XPO4: variants seen among roughly 807,000 people sequenced by gnomAD.
XPO4 encodes exportin-4.
In XPO4, 39 loss-of-function variants were observed where a neutral mutation model predicts 143.0. The observed-to-expected ratio is 0.27, with a 90% CI of 0.21 to 0.36. The LOEUF is 0.36. Among genes scored for constraint, XPO4 ranks in the 10% least tolerant of loss-of-function variants. The pLI is 1.00. For synonymous variants in XPO4, 439 were observed against 474.0 expected (o/e 0.93, Z 0.96); for missense variants, 907 against 1,348.0 (o/e 0.67, Z 5.12).
chr13:20,833,962 GA>G (rs2059884398), intron 6 of XPO4, among the ~76,000 whole-genome samples: 1 of 152,222 alleles, frequency 6.6e-6, no homozygotes, highest in East Asian at 1.9e-4. Context: ...ACAGGACCAG[GA>G]CACTTTCTTT....
chr13:20,810,779 A>G (rs2059572291), intron 9 of XPO4, among the ~76,000 whole-genome samples: 1 of 152,366 alleles, frequency 6.6e-6, no homozygotes, highest in East Asian at 1.9e-4. Flanking sequence ...AGATCCACTA[A>G]GGAAACCCTG....
chr13:20,847,613 A>G (rs987509292), intron 4 of XPO4, among the ~76,000 whole-genome samples: 3 of 152,200 alleles, frequency 2.0e-5, no homozygotes, highest in Admixed American at 6.5e-5. Context: ...TCTACTGACC[A>G]GTATCTTCAA....
At chr13:20,818,775 T>C (rs1314399804) in intron 9 of XPO4, among the ~76,000 whole-genome samples, 1 of 152,146 alleles carries the variant, frequency 6.6e-6, no homozygotes. Context: ...TACATGTTAT[T>C]GCTTGTAATA....
rs1377561580 is a variant in XPO4 at position 20,843,147 on chromosome 13, A to G, written c.574-99T>C. The G allele has an allele frequency of 5.9e-6, 7 of 1,180,538 alleles. No homozygotes were observed. In the African/African-American group the frequency reaches 9.2e-5, roughly 16 times the overall value. 73.1% of individuals were successfully genotyped at this position (1,180,538 alleles called of 1,614,324 possible). A position where few individuals can be genotyped will look rare whatever the true frequency, so the allele number is the denominator to read the frequency against. On this transcript the variant is annotated intron_variant, in intron 5 of 22. Coordinates refer to ENST00000255305, the MANE Select transcript of XPO4 (RefSeq NM_022459.5). The stretch of plus-strand genomic sequence containing the variant: ...CAAAACAAACACCTTAAAATTTCCA[A>G]TGGAAAACACCATTTCCTTAAGAAC...
At chr13:20,827,303 A>C in intron 6 of XPO4, 124 bp from the exon 7 acceptor site, 1 of 660,306 alleles carries the variant, frequency 1.5e-6, no homozygotes, top group East Asian at 2.8e-5. Flanking sequence ...GCCTCTTCAC[A>C]TATGCTACAT....
At chr13:20,844,000 G>T in intron 4 of XPO4, 114 bp from the exon 5 acceptor site, 2 of 758,330 alleles carry the variant, frequency 2.6e-6, no homozygotes, top group Non-Finnish European at 4.5e-6. Flanking sequence ...ATCTTCCACT[G>T]TATCTTTAGA....
At chr13:20,796,326 T>A in intron 17 of XPO4, 70 bp from the exon 18 acceptor site, 1 of 1,171,064 alleles carries the variant, frequency 8.5e-7, no homozygotes, top group Non-Finnish European at 1.1e-6. Flanking sequence ...TAAAATATAA[T>A]CTATATAAAT....
intron 1 of XPO4, among the ~76,000 whole-genome samples, chr13:20,894,848 G>GA (rs35478335): frequency 1.2e-3 from 139 of 114,778 alleles, no homozygotes; most frequent in East Asian, 8.6e-3. Context: ...TCATCTCAAA[G>GA]AAAAAAAAAA....
chr13:20,829,167 AG>A (rs2059822632), intron 6 of XPO4, among the ~76,000 whole-genome samples: 1 of 152,180 alleles, frequency 6.6e-6, no homozygotes, highest in African/African-American at 2.4e-5. Context: ...TATGTTGCCC[AG>A]GGAAGTCTTG....
At chr13:20,856,965 C>T (rs1490280191) in intron 3 of XPO4, 1 of 875,436 alleles carries the variant, frequency 1.1e-6, no homozygotes, top group Admixed American at 6.2e-5. Flanking sequence ...TGCACACTAG[C>T]ATATGCAAAG....
intron 5 of XPO4, among the ~76,000 whole-genome samples, 168 bp downstream of exon 5, chr13:20,843,602 A>G (rs1350543492): frequency 6.6e-6 from 1 of 152,242 alleles, no homozygotes; most frequent in Non-Finnish European, 1.5e-5. Context: ...CATCAACTAC[A>G]TTCACCAAAC....
chr13:20,836,111 T>C (rs1309639341), intron 6 of XPO4, among the ~76,000 whole-genome samples: 1 of 152,190 alleles, frequency 6.6e-6, no homozygotes, highest in African/African-American at 2.4e-5. Context: ...TAAAAAGTTA[T>C]ACTGGAATTT....
At position 20,849,699 on chromosome 13, in the gene XPO4, C is replaced by T. The variant is rs116662642; in HGVS notation, c.457-5813G>A. ...AACTAAGAATACATCATTTTTTACA[C>T]AAATTAGATATAATCTTTCCATAAA... On this transcript the variant is annotated intron_variant, in intron 4 of 22. Coordinates refer to ENST00000255305, the MANE Select transcript of XPO4 (RefSeq NM_022459.5). The T allele has an allele frequency of 1.6e-3, 1,601 of 984,120 alleles. 20 individuals carry two copies. In the African/African-American group the frequency reaches 0.025, roughly 15 times the overall value. 61.0% of individuals were successfully genotyped at this position (984,120 alleles called of 1,614,324 possible).
chr13:20,851,730 A>AAT, intron 4 of XPO4: 1 of 828,222 alleles, frequency 1.2e-6, no homozygotes, highest in Non-Finnish European at 1.4e-6. Context: ...AAAAAAAAAA[A>AAT]GAAAGAAAGA....
At chr13:20,881,699 A>G (rs1011736322) in intron 1 of XPO4, among the ~76,000 whole-genome samples, 2 of 152,188 alleles carry the variant, frequency 1.3e-5, no homozygotes, top group African/African-American at 4.8e-5. Context: ...ACAATCACAT[A>G]TCATCATCAA....
chr13:20,787,548 G>T lies in XPO4; in HGVS notation c.3098C>A (p.Ala1033Asp). 1 of 1,614,258 alleles carries T rather than the reference G, an allele frequency of 6.2e-7. No homozygotes were observed. ...TTCTTGTGCTTTTGCACACTGTTCA[G>T]CTAACGGTGTCAAGGCCTCCAGGCA... Reference protein sequence around the residue: ...QLCLEALTPLAEQCAKAQETD... With the variant: ...QLCLEALTPLDEQCAKAQETD... The change falls in exon 21 of 23, where the codon GCT becomes GAT. Residue 1033 changes from alanine (A) to aspartate (D), a missense_variant. Coordinates refer to ENST00000255305, the MANE Select transcript of XPO4 (RefSeq NM_022459.5).
rs538884204 is a variant in XPO4 at position 20,792,949 on chromosome 13, G to A, written c.2798-2369C>T. Among the ~76,000 whole-genome samples the A allele has an allele frequency of 3.4e-3, 510 of 151,640 alleles. 5 individuals are homozygous for A. The highest frequency in any genetic ancestry group is 0.012 in the African/African-American group (489 of 41,416). ...ATTACAGGCATGCACCACCATGCCC[G>A]GCTAATTTTTTTGTATTTTTAGTAG... is the stretch of plus-strand genomic sequence containing the variant. On this transcript the variant is annotated intron_variant, in intron 18 of 22. Coordinates refer to ENST00000255305, the MANE Select transcript of XPO4 (RefSeq NM_022459.5).
chr13:20,809,898 G>C lies in XPO4; in HGVS notation c.1243C>G (p.Gln415Glu), dbSNP rs1442860864. 3.1e-6 allele frequency: 5 copies of C among 1,613,782 alleles called. No homozygotes were observed. The highest frequency in any genetic ancestry group is 4.2e-6 in the Non-Finnish European group (5 of 1,179,844). ...KLLESWLTLV[Q>E]DDKHFHKGFF... ...CCTTTATGGAAATGTTTGTCATCTT[G>C]AACCAAAGTTAACCAGGACTCCAAC... Residue 415 changes from glutamine (Q) to glutamate (E), a missense_variant, in exon 10 of 23, where the codon CAA (glutamine) becomes GAA (glutamate). By Grantham distance (29) the Gln-to-Glu change is conservative. Transcript: ENST00000255305.
At chr13:20,899,971 G>A (rs2060604806) in intron 1 of XPO4, among the ~76,000 whole-genome samples, 1 of 152,262 alleles carries the variant, frequency 6.6e-6, no homozygotes, top group South Asian at 2.1e-4. Context: ...GTATCCTACA[G>A]CTTAAGAACC....
Sources: allele counts gnomAD v4.1 joint callset (sites outside exome capture counted in the v4.1 genomes callset), GRCh38; gene constraint gnomAD v4.1.1; transcripts MANE v1.5; gene names NCBI Gene and HGNC (gene_info 2026-07-23, HGNC 2026-07-21).